Variants in GULP1 observed in about 807,000 individuals in gnomAD.
GULP1 encodes GULP PTB domain containing engulfment adaptor 1.
A neutral mutation model predicts 40.9 loss-of-function variants in GULP1; 19 were observed. That is an observed-to-expected ratio of 0.46 (90% CI 0.32 to 0.68). The LOEUF (loss-of-function observed/expected upper bound fraction) is 0.68, where lower values mean the gene tolerates loss of function less well. Among genes scored for constraint, GULP1 ranks in the 30% least tolerant of loss-of-function variants. GULP1 has a pLI of 0.03. For missense variants in GULP1, 312 were observed against 362.2 expected (o/e 0.86, Z 1.12); for synonymous variants, 119 against 117.6 (o/e 1.01, Z -0.08).
At chr2:188,453,243 A>G (rs945325113) in intron 2 of GULP1, among the ~76,000 whole-genome samples, 5 of 152,364 alleles carry the variant, frequency 3.3e-5, no homozygotes, top group African/African-American at 4.8e-5. Flanking sequence ...ATGTGTTAAT[A>G]TAGATATACA....
intron 2 of GULP1, among the ~76,000 whole-genome samples, chr2:188,453,097 T>C (rs542237385): frequency 2.2e-4 from 34 of 152,074 alleles, no homozygotes; most frequent in African/African-American, 8.2e-4. Flanking sequence ...GGATTACAGG[T>C]GTGAGCCACT....
chr2:188,408,201 C>T (rs1216543623), intron 2 of GULP1, among the ~76,000 whole-genome samples: 2 of 152,084 alleles, frequency 1.3e-5, no homozygotes, highest in Non-Finnish European at 2.9e-5. Flanking sequence ...GTGATGCCTC[C>T]CACCATTGTC....
At chr2:188,485,548 G>C (rs1409395492) in intron 4 of GULP1, among the ~76,000 whole-genome samples, 1 of 151,764 alleles carries the variant, frequency 6.6e-6, no homozygotes, top group Non-Finnish European at 1.5e-5. Flanking sequence ...TGTATCTCTT[G>C]TTATAGAATA....
chr2:188,521,887 T>C (rs1443208207), intron 4 of GULP1, among the ~76,000 whole-genome samples: 1 of 152,076 alleles, frequency 6.6e-6, no homozygotes, highest in Admixed American at 6.5e-5. Flanking sequence ...CCATCCTGGC[T>C]AACACGGTGA....
chr2:188,556,732 C>T (rs1204886227), intron 7 of GULP1, among the ~76,000 whole-genome samples: 1 of 152,140 alleles, frequency 6.6e-6, no homozygotes, highest in African/African-American at 2.4e-5. Flanking sequence ...CTAAACCACT[C>T]ATTAGAAATC....
chr2:188,341,499 T>G (rs1010481009), intron 1 of GULP1, among the ~76,000 whole-genome samples: 16 of 152,106 alleles, frequency 1.1e-4, no homozygotes, highest in Admixed American at 9.2e-4. Context: ...GGATAACTGT[T>G]TCTTTGTTGG....
chr2:188,430,235 T>G (rs2056708021), intron 2 of GULP1, among the ~76,000 whole-genome samples: 1 of 152,204 alleles, frequency 6.6e-6, no homozygotes, highest in Admixed American at 6.5e-5. Context: ...AAAAGTGATG[T>G]AAAAAGTTAC....
At chr2:188,353,747 A>T (rs1485522205) in intron 1 of GULP1, among the ~76,000 whole-genome samples, 2 of 151,442 alleles carry the variant, frequency 1.3e-5, no homozygotes, top group Non-Finnish European at 2.9e-5. Flanking sequence ...GTGGTAATGT[A>T]CCCTAGTACC....
chr2:188,523,012 G>T (rs929273409), intron 5 of GULP1, 185 bp downstream of exon 5: 7 of 484,996 alleles, frequency 1.4e-5, no homozygotes, highest in Non-Finnish European at 2.7e-5. Context: ...ACACAAAATT[G>T]TGTTTAAAAT....
rs867010993 is a variant in GULP1, at chr2:188,477,614, T to C, written c.-44-45T>C. The C allele has an allele frequency of 3.9e-5, 38 of 977,704 alleles. 1 individual carries two copies. The Middle Eastern group carries it at 1.0e-3, about 27-fold the overall frequency. The allele number at this position is 977,704 out of a possible 1,614,324, so 60.6% of individuals were successfully genotyped here. On this transcript the variant is annotated intron_variant, in intron 2 of 11. Transcript: ENST00000409830. The stretch of plus-strand genomic sequence containing the variant: ...ACCACATTAGCAAAAGAGAGGTCAG[T>C]CAACAGTCCTTTGTTTATGTTTTAA...
At chr2:188,309,760 A>G (rs1354956292) in intron 1 of GULP1, among the ~76,000 whole-genome samples, 1 of 152,192 alleles carries the variant, frequency 6.6e-6, no homozygotes, top group East Asian at 1.9e-4. Flanking sequence ...TAAATACGGG[A>G]GAGCCAATAA....
intron 7 of GULP1, among the ~76,000 whole-genome samples, chr2:188,564,771 GAGA>G (rs777351050): frequency 3.2e-4 from 48 of 152,014 alleles, no homozygotes; most frequent in Admixed American, 2.0e-3. Context: ...AATTTTGAGA[GAGA>G]AGACCAAAAT....
At chr2:188,425,927 T>C (rs2056136061) in intron 2 of GULP1, among the ~76,000 whole-genome samples, 1 of 152,220 alleles carries the variant, frequency 6.6e-6, no homozygotes, top group Non-Finnish European at 1.5e-5. Context: ...TTGCCCTTTT[T>C]AATTTAATTT....
At chr2:188,357,313 A>G (rs1053682343) in intron 1 of GULP1, among the ~76,000 whole-genome samples, 1 of 152,184 alleles carries the variant, frequency 6.6e-6, no homozygotes, top group African/African-American at 2.4e-5. Context: ...TTCATCCAAT[A>G]AGGGTTTAAT....
At chr2:188,513,860 T>TGTTATTG (rs1220769705) in intron 4 of GULP1, among the ~76,000 whole-genome samples, 3 of 152,104 alleles carry the variant, frequency 2.0e-5, no homozygotes, top group Non-Finnish European at 2.9e-5. Context: ...TTTTATTCCA[T>TGTTATTG]GTTATTGGTT....
At chr2:188,523,943 C>T (rs1479835460) in intron 5 of GULP1, among the ~76,000 whole-genome samples, 1 of 152,164 alleles carries the variant, frequency 6.6e-6, no homozygotes, top group Non-Finnish European at 1.5e-5. Context: ...GATTAGCCAA[C>T]TATTTATTTC....
intron 1 of GULP1, among the ~76,000 whole-genome samples, chr2:188,303,831 A>G (rs762209079): frequency 6.6e-6 from 1 of 152,200 alleles, no homozygotes; most frequent in Non-Finnish European, 1.5e-5. Context: ...TTATGAGATC[A>G]TGACCTTCAT....
In GULP1 at chr2:188,292,521, G is replaced by C. The variant is rs1220353386; in HGVS notation, c.-172+355G>C. On this transcript the variant is annotated intron_variant, in intron 1 of 11. Transcript: ENST00000409830. The surrounding 1 kb of genome is among the most constrained non-coding windows in gnomAD (Gnocchi z 4.0). ...TTTGTGGTAACTTTGGTCCGGCGGC[G>C]GGGGGCCGGTGAGCAGGAACTGGAG... is the stretch of plus-strand genomic sequence containing the variant. Among the ~76,000 whole-genome samples, 1 of 152,150 alleles carries C rather than the reference G, an allele frequency of 6.6e-6. No individual in the cohort carries two copies. The highest frequency in any genetic ancestry group is 2.4e-5 in the African/African-American group (1 of 41,426).
At chr2:188,445,526 G>A (rs2058310779) in intron 2 of GULP1, among the ~76,000 whole-genome samples, 1 of 152,052 alleles carries the variant, frequency 6.6e-6, no homozygotes, top group African/African-American at 2.4e-5. Flanking sequence ...AATGGAAAAG[G>A]CATGTTTGAG....
Sources: allele counts gnomAD v4.1 joint callset (sites outside exome capture counted in the v4.1 genomes callset), GRCh38; gene constraint gnomAD v4.1.1; non-coding constraint Gnocchi (gnomAD v3.1); transcripts MANE v1.5; gene names NCBI Gene and HGNC (gene_info 2026-07-23, HGNC 2026-07-21).